The following GTPBP10 variants were observed in gnomAD, a reference collection of about 807,000 sequenced individuals.
GTPBP10 encodes GTP binding protein 10, also known as GTP-binding protein 10.
A neutral mutation model predicts 44.8 loss-of-function variants in GTPBP10; 38 were observed. The observed-to-expected ratio is 0.85, with a 90% confidence interval of 0.65 to 1.11. GTPBP10 has a LOEUF of 1.11. Among genes scored for constraint, GTPBP10 ranks in the 50% most tolerant of loss-of-function variants. The probability of loss-of-function intolerance (pLI) is 0.00; values close to 1 mark genes in which losing one functional copy is unlikely to be tolerated. For missense variants in GTPBP10, 462 were observed against 453.7 expected (o/e 1.02, Z -0.17); for synonymous variants, 152 against 150.6 (o/e 1.01, Z -0.07).
chr7:90,364,715 G>A (rs531482449), intron 4 of GTPBP10, among the ~76,000 whole-genome samples: 37 of 152,306 alleles, frequency 2.4e-4, no homozygotes, highest in African/African-American at 8.9e-4. Context: ...GTTTGGCTAT[G>A]CCCTGCCCCC....
rs770389336 is a variant in GTPBP10 at position 90,386,767 on chromosome 7, CACAAAT to C, written c.*1619_*1624del. 4.6e-5 allele frequency: 7 copies of C among 152,096 alleles called. No homozygotes were observed. Among genetic ancestry groups the C allele is most frequent in the Non-Finnish European group, 7.4e-5 (5 of 68,020 alleles). 9.4% of individuals were successfully genotyped at this position (152,096 alleles called of 1,614,324 possible). A position where few individuals can be genotyped will look rare whatever the true frequency, so the allele number is the denominator to read the frequency against. On this transcript the variant is annotated 3_prime_UTR_variant, in exon 10 of 10. Coordinates refer to ENST00000222511, the MANE Select transcript of GTPBP10 (RefSeq NM_033107.4). ...TTTCTAAGTTTCTACCTGAGTGTTTCACAAATACAAACTGGACATTTTCCCTTTAAA... is the reference window on the plus strand; with the variant it reads ...TTTCTAAGTTTCTACCTGAGTGTTTCACAAACTGGACATTTTCCCTTTAAA...
chr7:90,355,591 G>T (rs1795882430), intron 4 of GTPBP10, among the ~76,000 whole-genome samples: 1 of 151,994 alleles, frequency 6.6e-6, no homozygotes, highest in Non-Finnish European at 1.5e-5. Flanking sequence ...TATATAGAAG[G>T]AAATAAACAG....
chr7:90,378,552 C>G (rs923392826), intron 8 of GTPBP10, among the ~76,000 whole-genome samples: 12 of 152,148 alleles, frequency 7.9e-5, no homozygotes, highest in Non-Finnish European at 5.9e-5. Flanking sequence ...CACTATTTCT[C>G]CGTCTACTTT....
At chr7:90,366,585 C>T (rs1308875837) in intron 4 of GTPBP10, among the ~76,000 whole-genome samples, 1 of 152,052 alleles carries the variant, frequency 6.6e-6, no homozygotes, top group East Asian at 1.9e-4. Flanking sequence ...ATAGTATTGT[C>T]TGATGGTAAT....
chr7:90,367,954 A>G (rs144828272), intron 4 of GTPBP10, among the ~76,000 whole-genome samples: 6,536 of 152,262 alleles, frequency 0.043, 166 homozygotes, highest in Middle Eastern at 0.082. Context: ...CTTCCTTTAG[A>G]AGCTCTTGTA....
At chr7:90,362,097 AT>A in intron 4 of GTPBP10, among the ~76,000 whole-genome samples, 1 of 151,718 alleles carries the variant, frequency 6.6e-6, no homozygotes, top group African/African-American at 2.4e-5. Flanking sequence ...GGATTCATTG[AT>A]TTTTTTTGAA....
chr7:90,363,835 G>A lies in GTPBP10; in HGVS notation c.465-8320G>A, dbSNP rs574108615. 1.6e-4 allele frequency among the ~76,000 whole-genome samples: 24 copies of A among 151,106 alleles called. No homozygotes were observed. The East Asian group carries it at 2.7e-3, about 17-fold the overall frequency. ...ATTTCTTGGAGGCTTTGTTCATTTCGTTTTACTCTTTTTTCTCTAAAATTC... is the reference window on the plus strand; with the variant it reads ...ATTTCTTGGAGGCTTTGTTCATTTCATTTTACTCTTTTTTCTCTAAAATTC... On this transcript the variant is annotated intron_variant, in intron 4 of 9. Coordinates refer to ENST00000222511, the MANE Select transcript of GTPBP10 (RefSeq NM_033107.4).
rs560907310 is a variant in GTPBP10 at position 90,371,938 on chromosome 7, T to G, written c.465-217T>G. On this transcript the variant is annotated intron_variant, in intron 4 of 9. Transcript: ENST00000222511. ...ATTTTTAAATCATAATTGGAATAAT[T>G]ATTATACACTTTAAATATTGAAACA... 5.3e-5 allele frequency among the ~76,000 whole-genome samples: 8 copies of G among 152,270 alleles called. 1 individual carries two copies. Among genetic ancestry groups the G allele is most frequent in the African/African-American group, 1.7e-4 (7 of 41,578 alleles).
intron 6 of GTPBP10, among the ~76,000 whole-genome samples, chr7:90,375,682 A>C (rs1030046250): frequency 1.3e-5 from 2 of 152,102 alleles, no homozygotes; most frequent in African/African-American, 4.8e-5. Context: ...AGGACATGAG[A>C]CTTCTGTTGT....
At chr7:90,349,805 C>T (rs79254979) in intron 1 of GTPBP10, among the ~76,000 whole-genome samples, 1 of 152,124 alleles carries the variant, frequency 6.6e-6, no homozygotes, top group Non-Finnish European at 1.5e-5. Flanking sequence ...GATATTCTTT[C>T]GTCTCAGTGA....
At chr7:90,379,861 C>A (rs1331144112) in intron 8 of GTPBP10, among the ~76,000 whole-genome samples, 1 of 152,140 alleles carries the variant, frequency 6.6e-6, no homozygotes, top group Admixed American at 6.5e-5. Flanking sequence ...CTTTAGTCAT[C>A]CTAGTGGGAG....
At position 90,382,970 on chromosome 7, in the gene GTPBP10, C is replaced by T. The variant is rs748488141; in HGVS notation, c.792C>T (p.Tyr264=). The T allele has an allele frequency of 1.3e-6, 2 of 1,573,446 alleles. No homozygotes were observed. The highest frequency in any genetic ancestry group is 1.2e-5 in the South Asian group (1 of 82,988). ...TTGATTTAAAGGAGTTGGAATTGTA[C>T]AAAGAGGAACTTCAGACAAAACCTG... ...IILLTKELEL[Y]KEELQTKPAL... is the part of the protein sequence containing the mutation. The change falls in exon 9 of 10, where the codon TAC becomes TAT. Residue 264 remains tyrosine, a synonymous_variant. Transcript: ENST00000222511.
intron 9 of GTPBP10, chr7:90,383,847 G>C (rs1404965443): frequency 6.6e-6 from 1 of 152,120 alleles, no homozygotes; most frequent in Non-Finnish European, 1.5e-5. Context: ...ACAATTGTTG[G>C]AAAATAGATT....
chr7:90,358,136 A>G (rs1042422548), intron 4 of GTPBP10, among the ~76,000 whole-genome samples: 1 of 152,168 alleles, frequency 6.6e-6, no homozygotes, highest in Non-Finnish European at 1.5e-5. Flanking sequence ...GCTATACACC[A>G]ACAACAACCA....
intron 5 of GTPBP10, among the ~76,000 whole-genome samples, chr7:90,373,383 T>C (rs1482200286): frequency 6.6e-6 from 1 of 152,116 alleles, no homozygotes; most frequent in Non-Finnish European, 1.5e-5. Context: ...CTAGATGAGA[T>C]ATAAAAGAAG....
intron 4 of GTPBP10, among the ~76,000 whole-genome samples, chr7:90,366,452 A>C (rs1262425322): frequency 6.6e-6 from 1 of 152,142 alleles, no homozygotes; most frequent in Non-Finnish European, 1.5e-5. Flanking sequence ...CCTCATTTTC[A>C]GGACCTGTTA....
rs1367368535 is a variant in GTPBP10, at chr7:90,386,837, CA to C, written c.*1689del. 11 of 152,026 alleles carry C rather than the reference CA, an allele frequency of 7.2e-5. No homozygotes were observed. Among genetic ancestry groups the C allele is most frequent in the Admixed American group, 2.6e-4 (4 of 15,264 alleles). The allele number at this position is 152,026 out of a possible 1,614,324, so 9.4% of individuals were successfully genotyped here. A position where few individuals can be genotyped will look rare whatever the true frequency, so the allele number is the denominator to read the frequency against. On this transcript the variant is annotated 3_prime_UTR_variant, in exon 10 of 10. Transcript: ENST00000222511. ...AAAATGTACATATTGATTGTAAAAA[CA>C]AAAAATTCAAATAGTACAAAAGCAT...
rs192492916 is a variant in GTPBP10 at position 90,368,300 on chromosome 7, C to T, written c.465-3855C>T. ...CGAGGAGTATCTTTGTGGTGTTCTCCGTATTTCCTGAATTTGAATGTTGGC... is the reference window on the plus strand; with the variant it reads ...CGAGGAGTATCTTTGTGGTGTTCTCTGTATTTCCTGAATTTGAATGTTGGC... On this transcript the variant is annotated intron_variant, in intron 4 of 9. Coordinates refer to ENST00000222511, the MANE Select transcript of GTPBP10 (RefSeq NM_033107.4). 3.3e-5 allele frequency among the ~76,000 whole-genome samples: 5 copies of T among 152,146 alleles called. No individual in the cohort carries two copies. In the East Asian group the frequency reaches 5.8e-4, roughly 18 times the overall value.
At chr7:90,353,818 T>A (rs77195912) in intron 2 of GTPBP10, among the ~76,000 whole-genome samples, 10,907 of 123,906 alleles carry the variant, frequency 0.088, 581 homozygotes, top group Non-Finnish European at 0.12. Context: ...TTTTTTTTTT[T>A]ATAGATTCAT....
Sources: gnomAD v4.1 joint callset for allele counts (sites outside exome capture counted in the v4.1 genomes callset) on GRCh38, gnomAD v4.1.1 for gene constraint, MANE v1.5 for transcripts, NCBI Gene and HGNC (gene_info 2026-07-23, HGNC 2026-07-21) for gene names.